The following PRODH variants were observed in gnomAD, a reference collection of about 807,000 sequenced individuals.
The protein encoded by PRODH is proline dehydrogenase 1, also known as proline dehydrogenase 1, mitochondrial.
For synonymous variants in PRODH, 3 were observed against 10.4 expected, an observed-to-expected ratio of 0.29 and a Z score of 1.37; for missense variants, 3 against 24.1, an observed-to-expected ratio of 0.12 and a Z score of 1.83.
At position 18,933,820 on chromosome 22, in the gene PRODH, C is replaced by CCT. The variant is rs375114169; in HGVS notation, c.273+2194_273+2195insAG. Among the ~76,000 whole-genome samples, 178 of 105,710 alleles carry CCT rather than the reference C, an allele frequency of 1.7e-3. 8 individuals are homozygous for CCT. The South Asian group carries it at 0.047, about 28-fold the overall frequency. The allele number at this position is 105,710 out of a possible 152,430, so 69.3% of individuals were successfully genotyped here. On this transcript the variant is annotated intron_variant, in intron 1 of 13. Coordinates refer to ENST00000357068, the MANE Select transcript of PRODH (RefSeq NM_016335.6). ...TGTCCCCGCATGGCACTACCTGAGA[C>CCT]CAGGGCAGCCCCACATCTTCTTCAG...
rs774773869 is a variant in PRODH at position 18,918,391 on chromosome 22, C to T, written c.1352G>A (p.Arg451Gln). The change falls in exon 11 of 14, where the codon CGA becomes CAA. Residue 451 changes from arginine to glutamine, a missense_variant. Coordinates refer to ENST00000357068, the MANE Select transcript of PRODH (RefSeq NM_016335.6). Reference sequence around the variant, plus strand: ...ATAGCCGATCTCTGCCGCACGGGCTCGCTCCTGGGCCAGGTATGCGCCCCG... The same window carrying T: ...ATAGCCGATCTCTGCCGCACGGGCTTGCTCCTGGGCCAGGTATGCGCCCCG... ...LVRGAYLAQERARAAEIGYED... is the reference protein window; with the variant it reads ...LVRGAYLAQEQARAAEIGYED... 1.8e-5 allele frequency: 4 copies of T among 225,870 alleles called. No individual in the cohort carries two copies. Among genetic ancestry groups the T allele is most frequent in the Middle Eastern group, 8.6e-4 (1 of 1,158 alleles). 14.0% of individuals were successfully genotyped at this position (225,870 alleles called of 1,614,324 possible). A position where few individuals can be genotyped will look rare whatever the true frequency, so the allele number is the denominator to read the frequency against.
rs1489514777 is a variant in PRODH at position 18,918,357 on chromosome 22, G to T, written c.1386C>A (p.Pro462=). The T allele has an allele frequency of 1.3e-5, 3 of 235,828 alleles. No individual in the cohort carries two copies. Among genetic ancestry groups the T allele is most frequent in the Non-Finnish European group, 2.5e-5 (3 of 121,170 alleles). The allele number at this position is 235,828 out of a possible 1,614,324, so 14.6% of individuals were successfully genotyped here. A position where few individuals can be genotyped will look rare whatever the true frequency, so the allele number is the denominator to read the frequency against. ...TGGTGGCCTCGTACGTGGGGTTGAT[G>T]GGGTCCTCATAGCCGATCTCTGCCG... The part of the protein sequence containing the change: ...ARAAEIGYED[P]INPTYEATNA... The change falls in exon 11 of 14, where the codon CCC becomes CCA. Residue 462 remains proline, a synonymous_variant. Coordinates refer to ENST00000357068, the MANE Select transcript of PRODH (RefSeq NM_016335.6).
At chr22:18,926,095 GCA>G (rs1235635752) in intron 2 of PRODH, among the ~76,000 whole-genome samples, 1 of 128,436 alleles carries the variant, frequency 7.8e-6, no homozygotes, top group African/African-American at 2.5e-5. Context: ...GAAGGCACCA[GCA>G]CACAGAGGTC....
In PRODH at chr22:18,917,954, C is replaced by T; in HGVS notation, c.1427+362G>A. ...TGAAAAGATCACCAAGAAACTAGAG[C>T]AGTAAAAGCAGGTGCAGAACAGCTG... is the stretch of plus-strand genomic sequence containing the variant. On this transcript the variant is annotated intron_variant, in intron 11 of 13. Transcript: ENST00000357068. Among the ~76,000 whole-genome samples, 2 of 50,456 alleles carry T rather than the reference C, an allele frequency of 4.0e-5. 1 individual carries two copies. The highest frequency in any genetic ancestry group is 1.1e-4 in the Non-Finnish European group (2 of 18,388). The allele number at this position is 50,456 out of a possible 152,430, so 33.1% of individuals were successfully genotyped here. A position where few individuals can be genotyped will look rare whatever the true frequency, so the allele number is the denominator to read the frequency against.
rs992798980 is a variant in PRODH at position 18,917,660 on chromosome 22, G to A, written c.1427+656C>T. ...TCAAAGATGCTGGACACATAGCCCC[G>A]GGCACTCCATGCTGGCTGTTGACAG... On this transcript the variant is annotated intron_variant, in intron 11 of 13. Transcript: ENST00000357068. 9.0e-5 allele frequency among the ~76,000 whole-genome samples: 3 copies of A among 33,196 alleles called. 1 individual carries two copies. The highest frequency in any genetic ancestry group is 1.6e-4 in the African/African-American group (3 of 19,198). 21.8% of individuals were successfully genotyped at this position (33,196 alleles called of 152,430 possible). A position where few individuals can be genotyped will look rare whatever the true frequency, so the allele number is the denominator to read the frequency against.
In PRODH at chr22:18,917,565, G is replaced by A. The variant is rs1009240931; in HGVS notation, c.1428-577C>T. Among the ~76,000 whole-genome samples the A allele has an allele frequency of 6.2e-5, 2 of 32,220 alleles. 1 individual carries two copies. The highest frequency in any genetic ancestry group is 1.1e-4 in the African/African-American group (2 of 18,774). 21.1% of individuals were successfully genotyped at this position (32,220 alleles called of 152,430 possible). ...TCAGACACAAAACCCCTGACGGCCC[G>A]TGTGTACCACAGAGGGTGACGGTAT... On this transcript the variant is annotated intron_variant, in intron 11 of 13. Transcript: ENST00000357068.
Position 18,917,141 on chromosome 22 carries a change from G to A in PRODH, c.1428-153C>T, listed in dbSNP as rs912323224. Among the ~76,000 whole-genome samples, 127 of 36,134 alleles carry A rather than the reference G, an allele frequency of 3.5e-3. 61 individuals are homozygous for A. The highest frequency in any genetic ancestry group is 0.014 in the Non-Finnish European group (123 of 8,562). 23.7% of individuals were successfully genotyped at this position (36,134 alleles called of 152,430 possible). A position where few individuals can be genotyped will look rare whatever the true frequency, so the allele number is the denominator to read the frequency against. On this transcript the variant is annotated intron_variant, in intron 11 of 13. Transcript: ENST00000357068. ...ATCCACAGGATCAGGAGGAACAGGA[G>A]CAGCATCTGCCCCTCCCAGCACCTC... is the stretch of plus-strand genomic sequence containing the variant.
At chr22:18,926,245 TCCTGTAGCATTCTTGCCCC>T (rs1601423197) in intron 2 of PRODH, among the ~76,000 whole-genome samples, 2 of 42,204 alleles carry the variant, frequency 4.7e-5, no homozygotes, top group East Asian at 1.0e-3. Context: ...AGGCCGGCCC[TCCTGTAGCATTCTTGCCCC>T]GACACTTCTT....
rs2270449 is a variant in PRODH, at chr22:18,917,362, C to A, written c.1428-374G>T. On this transcript the variant is annotated intron_variant, in intron 11 of 13. Transcript: ENST00000357068. ...ATCGTACAGTGCACCCCTGGCCCTG[C>A]AAGGAAATAAAAGGGAAGCAGGTCC... Among the ~76,000 whole-genome samples the A allele has an allele frequency of 5.6e-5, 2 of 35,620 alleles. 1 individual carries two copies. The highest frequency in any genetic ancestry group is 2.4e-4 in the Non-Finnish European group (2 of 8,374). The allele number at this position is 35,620 out of a possible 152,430, so 23.4% of individuals were successfully genotyped here.
In PRODH at chr22:18,919,173, AG is replaced by A. The variant is rs1047024809; in HGVS notation, c.1251+277del. 3.5e-5 allele frequency among the ~76,000 whole-genome samples: 3 copies of A among 86,244 alleles called. 1 individual carries two copies. Among genetic ancestry groups the A allele is most frequent in the African/African-American group, 1.2e-4 (3 of 24,900 alleles). 56.6% of individuals were successfully genotyped at this position (86,244 alleles called of 152,430 possible). On this transcript the variant is annotated intron_variant, in intron 10 of 13. Coordinates refer to ENST00000357068, the MANE Select transcript of PRODH (RefSeq NM_016335.6). ...GCAGCGGGTCTTTCTTGCTACTCTG[AG>A]GCAGTCACCCTGGCCTCAGCCTCCT...
At chr22:18,919,836 G>A (rs190645771) in intron 8 of PRODH, 38 bp from the exon 9 acceptor site, 42 of 3,950 alleles carry the variant, frequency 0.011, 4 homozygotes, top group Admixed American at 0.048. Flanking sequence ...CAGCAAGGGC[G>A]GGAAAGTGCC....
At position 18,916,849 on chromosome 22, in the gene PRODH, G is replaced by C. The variant is rs367626175; in HGVS notation, c.1526+41C>G. 1.4e-5 allele frequency: 2 copies of C among 142,454 alleles called. 1 individual carries two copies. Among genetic ancestry groups the C allele is most frequent in the African/African-American group, 6.1e-5 (2 of 32,766 alleles). 8.8% of individuals were successfully genotyped at this position (142,454 alleles called of 1,614,324 possible). A position where few individuals can be genotyped will look rare whatever the true frequency, so the allele number is the denominator to read the frequency against. ...CCTCTCCCCAGCCGGAGGAGACAAC[G>C]GCTCAGGTTGGGGTTTCGGTGCAGG... On this transcript the variant is annotated intron_variant, in intron 12 of 13. Coordinates refer to ENST00000357068, the MANE Select transcript of PRODH (RefSeq NM_016335.6).
Position 18,918,091 on chromosome 22 carries a change from AGGGAACTGT to A in PRODH, c.1427+216_1427+224del, listed in dbSNP as rs964273721. Among the ~76,000 whole-genome samples the A allele has an allele frequency of 4.3e-4, 50 of 116,628 alleles. 9 individuals carry two copies. The highest frequency in any genetic ancestry group is 1.2e-3 in the African/African-American group (44 of 35,500). 76.5% of individuals were successfully genotyped at this position (116,628 alleles called of 152,430 possible). On this transcript the variant is annotated intron_variant, in intron 11 of 13. Coordinates refer to ENST00000357068, the MANE Select transcript of PRODH (RefSeq NM_016335.6). ...TCTAAGTGTCTGCAGGAGCAAGCTC[AGGGAACTGT>A]GGCCAATTTTGCTTTGTTCAATAGG...
Position 18,915,348 on chromosome 22 carries a change from C to T in PRODH, c.1526+1542G>A, listed in dbSNP as rs1320206272. ...GGGGAAGCTGTGTCCACTGGGGAAGCCACTGCCACAGCAAGATAGTAGGGA... is the reference window on the plus strand; with the variant it reads ...GGGGAAGCTGTGTCCACTGGGGAAGTCACTGCCACAGCAAGATAGTAGGGA... On this transcript the variant is annotated intron_variant, in intron 12 of 13. Coordinates refer to ENST00000357068, the MANE Select transcript of PRODH (RefSeq NM_016335.6). The T allele has an allele frequency of 5.2e-5, 2 of 38,264 alleles. 1 individual carries two copies. The highest frequency in any genetic ancestry group is 1.7e-3 in the East Asian group (2 of 1,206). The allele number at this position is 38,264 out of a possible 1,614,324, so 2.4% of individuals were successfully genotyped here.
chr22:18,913,318 CG>C lies in PRODH; in HGVS notation c.1659del (p.Val554Ter). On this transcript the variant is annotated frameshift_variant, in exon 14 of 14. Coordinates refer to ENST00000357068, the MANE Select transcript of PRODH (RefSeq NM_016335.6). LOFTEE classifies it low-confidence loss of function (END_TRUNC). Reference sequence around the variant, plus strand: ...GACAAGTAGGGCAGCACCTCCATCACGGGGCCATAGGGCACGTACTTGTACA... The same window carrying C: ...GACAAGTAGGGCAGCACCTCCATCACGGGCCATAGGGCACGTACTTGTACA... ...YPVYKYVPYG[P>X]VMEVLPYLSR... 4.8e-6 allele frequency: 2 copies of C among 413,856 alleles called. No homozygotes were observed. Among genetic ancestry groups the C allele is most frequent in the East Asian group, 8.5e-5 (1 of 11,766 alleles). 25.6% of individuals were successfully genotyped at this position (413,856 alleles called of 1,614,324 possible).
Position 18,918,052 on chromosome 22 carries a change from T to C in PRODH, c.1427+264A>G, listed in dbSNP as rs957471578. On this transcript the variant is annotated intron_variant, in intron 11 of 13. Transcript: ENST00000357068. ...CAGGGTGGGGAGGACCGGGTGTTCA[T>C]GCACATCTCTGGATCTAAGTGTCTG... is the stretch of plus-strand genomic sequence containing the variant. 3.7e-5 allele frequency among the ~76,000 whole-genome samples: 4 copies of C among 108,574 alleles called. 1 individual carries two copies. Among genetic ancestry groups the C allele is most frequent in the African/African-American group, 1.2e-4 (4 of 34,004 alleles). The allele number at this position is 108,574 out of a possible 152,430, so 71.2% of individuals were successfully genotyped here. A position where few individuals can be genotyped will look rare whatever the true frequency, so the allele number is the denominator to read the frequency against.
In PRODH at chr22:18,917,811, CA is replaced by C. The variant is rs1363777499; in HGVS notation, c.1427+504del. 3.8e-4 allele frequency among the ~76,000 whole-genome samples: 12 copies of C among 31,586 alleles called. 4 individuals carry two copies. Among genetic ancestry groups the C allele is most frequent in the African/African-American group, 6.5e-4 (12 of 18,590 alleles). The allele number at this position is 31,586 out of a possible 152,430, so 20.7% of individuals were successfully genotyped here. ...TGTGTGCGCTGTGGCACGACATGCACAGCGGCTGCAGGAGGGGAGCTGGAGC... is the reference window on the plus strand; with the variant it reads ...TGTGTGCGCTGTGGCACGACATGCACGCGGCTGCAGGAGGGGAGCTGGAGC... On this transcript the variant is annotated intron_variant, in intron 11 of 13. Transcript: ENST00000357068.
chr22:18,917,299 G>A (rs2543961), intron 11 of PRODH, among the ~76,000 whole-genome samples: 1 of 36,414 alleles, frequency 2.7e-5, no homozygotes, highest in African/African-American at 4.7e-5. Flanking sequence ...ACATGCCCAT[G>A]AGCCTCATGA....
Position 18,914,340 on chromosome 22 carries a change from A to G in PRODH, c.1527-814T>C. On this transcript the variant is annotated intron_variant, in intron 12 of 13. Coordinates refer to ENST00000357068, the MANE Select transcript of PRODH (RefSeq NM_016335.6). ...GCTCAGATACTGGGGTGGGGCCTCC[A>G]CTCTGTCCTGTCTTCACACCACCCC... 2 of 35,720 alleles carry G rather than the reference A, an allele frequency of 5.6e-5. 1 individual carries two copies. Among genetic ancestry groups the G allele is most frequent in the Non-Finnish European group, 2.3e-4 (2 of 8,546 alleles). The allele number at this position is 35,720 out of a possible 1,614,324, so 2.2% of individuals were successfully genotyped here.
Sources: allele counts gnomAD v4.1 joint callset (sites outside exome capture counted in the v4.1 genomes callset), GRCh38; gene constraint gnomAD v4.1.1; transcripts MANE v1.5; gene names NCBI Gene and HGNC (gene_info 2026-07-23, HGNC 2026-07-21).